COG6: variants seen among roughly 807,000 people sequenced by gnomAD.
COG6 encodes the protein component of oligomeric golgi complex 6.
In COG6, 74 loss-of-function variants were observed where a neutral mutation model predicts 88.8. The observed-to-expected ratio is 0.83, with a 90% confidence interval of 0.69 to 1.01. The LOEUF (loss-of-function observed/expected upper bound fraction) is 1.01. Ranked by LOEUF, COG6 falls within the 50% of genes least tolerant of loss-of-function variation. The pLI is 0.00. For synonymous variants in COG6, 286 were observed against 278.7 expected (o/e 1.03, Z -0.26); for missense variants, 800 against 797.9 (o/e 1.00, Z -0.03).
At chr13:39,719,553 C>T (rs1671453774) in intron 14 of COG6, 107 bp from the exon 15 acceptor site, 2 of 1,226,400 alleles carry the variant, frequency 1.6e-6, no homozygotes, top group African/African-American at 1.5e-5. Flanking sequence ...TTCCTACGTG[C>T]TTCTATAAAT....
chr13:39,740,667 T>C (rs1053684300), intron 18 of COG6, among the ~76,000 whole-genome samples: 11 of 152,172 alleles, frequency 7.2e-5, no homozygotes, highest in Admixed American at 3.3e-4. Context: ...ATGACACTTA[T>C]CTGAAATATG....
chr13:39,665,510 A>C (rs1399621095), intron 4 of COG6, among the ~76,000 whole-genome samples: 1 of 152,060 alleles, frequency 6.6e-6, no homozygotes, highest in African/African-American at 2.4e-5. Context: ...AAGCTATGAT[A>C]TATCCTCTCT....
In COG6 at chr13:39,751,904, A is replaced by G. The variant is rs1305116443; in HGVS notation, c.*811A>G. ...GTGTTTAAAGATGGGTATTTGTCAT[A>G]CAATATGGGTCCTAAATCCAACCAA... On this transcript the variant is annotated 3_prime_UTR_variant, in exon 19 of 19. Transcript: ENST00000455146. 3.2e-6 allele frequency: 4 copies of G among 1,263,048 alleles called. No homozygotes were observed. In the African/African-American group the frequency reaches 4.6e-5, roughly 15 times the overall value. 78.2% of individuals were successfully genotyped at this position (1,263,048 alleles called of 1,614,324 possible). A position where few individuals can be genotyped will look rare whatever the true frequency, so the allele number is the denominator to read the frequency against.
At position 39,679,918 on chromosome 13, in the gene COG6, G is replaced by C. The variant is rs757189603; in HGVS notation, c.624-57G>C. The C allele has an allele frequency of 4.5e-6, 4 of 888,718 alleles. No homozygotes were observed. The African/African-American group carries it at 6.8e-5, about 15-fold the overall frequency. The allele number at this position is 888,718 out of a possible 1,614,324, so 55.1% of individuals were successfully genotyped here. A position where few individuals can be genotyped will look rare whatever the true frequency, so the allele number is the denominator to read the frequency against. ...TGTAATATGCAAACAAAATAATTAG[G>C]TGCTTAGATGTATCTGTTGACTAAA... On this transcript the variant is annotated intron_variant, in intron 6 of 18. Transcript: ENST00000455146.
chr13:39,723,333 A>G lies in COG6; in HGVS notation c.1585A>G (p.Ile529Val), dbSNP rs751432712. The G allele has an allele frequency of 1.3e-6, 2 of 1,591,764 alleles. No individual in the cohort carries two copies. The highest frequency in any genetic ancestry group is 1.7e-6 in the Non-Finnish European group (2 of 1,160,176). Residue 529 changes from isoleucine (I) to valine (V), a missense_variant and splice_region_variant, in exon 16 of 19, where the codon ATC (isoleucine) becomes GTC (valine). Transcript: ENST00000455146. ...ATGTTTTCTTTGTGTTTTATTTTAG[A>G]TCGAAGCACATTTGGACACACTTAT... ...DRRLEMLQFQ[I>V]EAHLDTLINE...
intron 18 of COG6, among the ~76,000 whole-genome samples, chr13:39,766,072 C>A (rs1881154209): frequency 6.6e-6 from 1 of 152,224 alleles, no homozygotes; most frequent in African/African-American, 2.4e-5. Context: ...TGCCATCCAG[C>A]CACTTCTGGC....
chr13:39,733,215 G>A (rs1193182609), intron 18 of COG6, among the ~76,000 whole-genome samples: 2 of 148,826 alleles, frequency 1.3e-5, no homozygotes, highest in East Asian at 2.0e-4. Context: ...TTTGGAGACG[G>A]AGTCTTGCTG....
At chr13:39,712,050 G>C (rs1878272430) in intron 13 of COG6, among the ~76,000 whole-genome samples, 1 of 152,098 alleles carries the variant, frequency 6.6e-6, no homozygotes, top group Non-Finnish European at 1.5e-5. Context: ...AGTAGAGACG[G>C]GGTTTCGCCA....
intron 18 of COG6, among the ~76,000 whole-genome samples, chr13:39,765,153 TA>T (rs36081107): frequency 0.41 from 62,986 of 151,960 alleles, 13,437 homozygotes; most frequent in Admixed American, 0.56. Context: ...ATTTGTTCCT[TA>T]AAAAAGAGTC....
chr13:39,660,860 A>G lies in COG6; in HGVS notation c.348A>G (p.Gln116=), dbSNP rs777645229. ...TTCAAGCAATGAGCAACTGTTGTCA[A>G]GATATGACAAGTCGCCTACAGGTAT... The part of the protein sequence containing the change: ...EDVQAMSNCC[Q]DMTSRLQAAK... Residue 116 remains glutamine (Q), a synonymous_variant, in exon 3 of 19, where the codon CAA becomes CAG. Coordinates refer to ENST00000455146, the MANE Select transcript of COG6 (RefSeq NM_020751.3). 6.2e-7 allele frequency: 1 copy of G among 1,605,116 alleles called. No individual in the cohort carries two copies. Among genetic ancestry groups the G allele is most frequent in the Non-Finnish European group, 8.5e-7 (1 of 1,172,486 alleles).
chr13:39,716,241 T>C (rs1878524426), intron 13 of COG6, among the ~76,000 whole-genome samples: 2 of 152,082 alleles, frequency 1.3e-5, no homozygotes, highest in Non-Finnish European at 2.9e-5. Flanking sequence ...ATTATCAGAA[T>C]CTTTTATTTC....
At chr13:39,747,666 CTG>C (rs1362720448) in intron 18 of COG6, among the ~76,000 whole-genome samples, 2 of 152,078 alleles carry the variant, frequency 1.3e-5, no homozygotes, top group African/African-American at 4.8e-5. Flanking sequence ...ATTTAATTAT[CTG>C]TGTTTATGTG....
At chr13:39,753,427 A>G (rs892310304), downstream of COG6, among the ~76,000 whole-genome samples, 1 of 152,218 alleles carries the variant, frequency 6.6e-6, no homozygotes, top group African/African-American at 2.4e-5. Flanking sequence ...TTGGTACAGC[A>G]GTCTAAATGA....
intron 13 of COG6, 64 bp from the exon 14 acceptor site, chr13:39,719,172 A>C: frequency 6.6e-7 from 1 of 1,513,004 alleles, no homozygotes; most frequent in Admixed American, 1.7e-5. Flanking sequence ...CTATGAACTT[A>C]CATTTATACA....
At chr13:39,698,079 A>T (rs1283476424) in intron 12 of COG6, among the ~76,000 whole-genome samples, 1 of 151,992 alleles carries the variant, frequency 6.6e-6, no homozygotes, top group Non-Finnish European at 1.5e-5. Context: ...AGAAACATCT[A>T]CAATTATCTG....
chr13:39,684,680 G>A (rs1355605700), intron 8 of COG6, among the ~76,000 whole-genome samples: 1 of 152,126 alleles, frequency 6.6e-6, no homozygotes, highest in African/African-American at 2.4e-5. Flanking sequence ...TTTCAAAGTG[G>A]TAGTTTCCTT....
rs564037314 is a variant in COG6 at position 39,665,279 on chromosome 13, C to G, written c.428+125C>G. 4.9e-5 allele frequency: 32 copies of G among 648,416 alleles called. No individual in the cohort carries two copies. The Admixed American group carries it at 8.1e-4, about 16-fold the overall frequency. The allele number at this position is 648,416 out of a possible 1,614,324, so 40.2% of individuals were successfully genotyped here. ...AAAACATGGTTCATAAGGTCCTAAA[C>G]TATTATATTACCCAATAGTAACTTA... On this transcript the variant is annotated intron_variant, in intron 4 of 18. Coordinates refer to ENST00000455146, the MANE Select transcript of COG6 (RefSeq NM_020751.3).
chr13:39,676,842 A>G (rs1348701942), intron 4 of COG6, among the ~76,000 whole-genome samples: 1 of 152,112 alleles, frequency 6.6e-6, no homozygotes, highest in South Asian at 2.1e-4. Context: ...TCAGTCCCAT[A>G]GGTCCTTGAG....
intron 3 of COG6, among the ~76,000 whole-genome samples, chr13:39,662,492 ATTTTC>A (rs1472968711): frequency 6.6e-6 from 1 of 152,026 alleles, no homozygotes; most frequent in East Asian, 1.9e-4. Flanking sequence ...GCATGGGCCT[ATTTTC>A]TTTCTTTATT....
Sources: allele counts gnomAD v4.1 joint callset (sites outside exome capture counted in the v4.1 genomes callset), GRCh38; gene constraint gnomAD v4.1.1; transcripts MANE v1.5; gene names NCBI Gene and HGNC (gene_info 2026-07-23, HGNC 2026-07-21).